The following PCDH7 variants were observed in gnomAD, a reference collection of about 807,000 sequenced individuals.
The protein encoded by PCDH7 is protocadherin-7.
Under a neutral mutation model 58.9 loss-of-function variants are expected in PCDH7, and 17 were observed. That is an observed-to-expected ratio of 0.29 (90% CI 0.20 to 0.43). PCDH7 has a LOEUF of 0.43. PCDH7 is among the 20% of genes least tolerant of loss of function. PCDH7 has a pLI of 1.00. For missense variants in PCDH7, 1,274 were observed against 1,441.0 expected, an observed-to-expected ratio of 0.88 and a Z score of 1.88; for synonymous variants, 664 against 616.4, an observed-to-expected ratio of 1.08 and a Z score of -1.14.
chr4:30,969,261 A>AT (rs1749326498), intron 3 of PCDH7, among the ~76,000 whole-genome samples: 1 of 152,130 alleles, frequency 6.6e-6, no homozygotes, highest in Admixed American at 6.5e-5. Flanking sequence ...GTCCCTGGAC[A>AT]TTTTCAGACA....
intron 3 of PCDH7, among the ~76,000 whole-genome samples, chr4:31,097,502 A>G (rs377103455): frequency 1.1e-4 from 10 of 91,878 alleles, no homozygotes; most frequent in South Asian, 4.9e-4. Flanking sequence ...AAAAGAAAGA[A>G]AGAAAGAGAG....
At chr4:30,794,752 A>T (rs1724573112) in intron 1 of PCDH7, among the ~76,000 whole-genome samples, 1 of 152,042 alleles carries the variant, frequency 6.6e-6, no homozygotes, top group African/African-American at 2.4e-5. Flanking sequence ...AATACAATCG[A>T]TTGAAAGTTC....
intron 2 of PCDH7, among the ~76,000 whole-genome samples, chr4:30,924,365 A>G (rs778672347): frequency 6.6e-6 from 1 of 152,206 alleles, no homozygotes; most frequent in Non-Finnish European, 1.5e-5. Flanking sequence ...TCCAGGTCCA[A>G]TAATCTGTGA....
At position 30,722,492 on chromosome 4, in the gene PCDH7, T is replaced by A; in HGVS notation, c.1070T>A (p.Leu357Gln). ...GCGGCCACCGAGTCGGTGAGGCGGCTGCTGCGCCTTGACGAGACGTCCGGC... is the reference window on the plus strand; with the variant it reads ...GCGGCCACCGAGTCGGTGAGGCGGCAGCTGCGCCTTGACGAGACGTCCGGC... Residue 357 changes from leucine (L) to glutamine (Q), a missense_variant, in exon 1 of 2, where the codon CTG becomes CAG. Leu to Gln is a moderately radical substitution (Grantham distance 113, BLOSUM62 -2). Transcript: ENST00000361762. The surrounding 1 kb of genome is among the most constrained non-coding windows in gnomAD (Gnocchi z 7.6). The A allele has an allele frequency of 1.2e-6, 2 of 1,609,472 alleles. No homozygotes were observed. Among genetic ancestry groups the A allele is most frequent in the African/African-American group, 2.7e-5 (2 of 74,918 alleles).
At chr4:30,795,118 GTTAC>G (rs1227455109) in intron 1 of PCDH7, among the ~76,000 whole-genome samples, 1 of 152,136 alleles carries the variant, frequency 6.6e-6, no homozygotes, top group East Asian at 1.9e-4. Flanking sequence ...CTTTGGGGAA[GTTAC>G]TTAATCTTTC....
chr4:30,745,656 G>T (rs1717681025), intron 1 of PCDH7, among the ~76,000 whole-genome samples: 1 of 151,916 alleles, frequency 6.6e-6, no homozygotes, highest in Admixed American at 6.6e-5. Flanking sequence ...GTCCCTGCAT[G>T]AAGTCTTTTA....
intron 3 of PCDH7, among the ~76,000 whole-genome samples, chr4:31,116,943 C>A (rs1423685383): frequency 6.6e-6 from 1 of 152,164 alleles, no homozygotes. Context: ...TCAAGTGATT[C>A]TCCCGCCTCA....
chr4:31,028,127 G>A (rs1246330291), intron 3 of PCDH7, among the ~76,000 whole-genome samples: 1 of 151,986 alleles, frequency 6.6e-6, no homozygotes, highest in African/African-American at 2.4e-5. Flanking sequence ...TATTTTGTAT[G>A]GTACTGACTT....
At chr4:31,061,255 T>C (rs1360832660) in intron 3 of PCDH7, among the ~76,000 whole-genome samples, 1 of 151,762 alleles carries the variant, frequency 6.6e-6, no homozygotes, top group African/African-American at 2.4e-5. Flanking sequence ...GATTTTATTT[T>C]AAAATCTCTT....
At chr4:30,982,008 T>C (rs1750614916) in intron 3 of PCDH7, among the ~76,000 whole-genome samples, 1 of 152,196 alleles carries the variant, frequency 6.6e-6, no homozygotes, top group Admixed American at 6.5e-5. Flanking sequence ...GATATGACTG[T>C]AGTTAATAAC....
intron 2 of PCDH7, among the ~76,000 whole-genome samples, chr4:30,926,261 C>T (rs921412627): frequency 2.0e-5 from 3 of 151,830 alleles, no homozygotes; most frequent in Non-Finnish European, 4.4e-5. Context: ...CTCGGCTCAC[C>T]GCAAGTTCCG....
chr4:31,011,839 T>A (rs1753209712), intron 3 of PCDH7, among the ~76,000 whole-genome samples: 2 of 152,068 alleles, frequency 1.3e-5, no homozygotes. Flanking sequence ...TTTCTTTTTT[T>A]AATACAGCAT....
intron 1 of PCDH7, among the ~76,000 whole-genome samples, chr4:30,764,782 G>A (rs906066425): frequency 3.3e-5 from 5 of 151,956 alleles, no homozygotes; most frequent in African/African-American, 7.3e-5. Flanking sequence ...GCACAGTGGC[G>A]CGATCTCAGC....
chr4:30,914,428 A>T (rs1014939647), intron 1 of PCDH7, among the ~76,000 whole-genome samples: 1 of 152,230 alleles, frequency 6.6e-6, no homozygotes, highest in Non-Finnish European at 1.5e-5. Flanking sequence ...CCATTCCAAA[A>T]TAACTGAATA....
At chr4:31,118,652 C>T (rs1717284984) in intron 3 of PCDH7, among the ~76,000 whole-genome samples, 2 of 152,208 alleles carry the variant, frequency 1.3e-5, no homozygotes, top group East Asian at 1.9e-4. Context: ...AATTTTGGTA[C>T]TGATGGTACA....
chr4:30,783,934 GT>G (rs1214684240), intron 1 of PCDH7, among the ~76,000 whole-genome samples: 2 of 151,998 alleles, frequency 1.3e-5, no homozygotes, highest in Non-Finnish European at 2.9e-5. Flanking sequence ...ATCTGCATTT[GT>G]TTGTGTATGT....
At chr4:30,782,902 G>T (rs2109290897) in intron 1 of PCDH7, among the ~76,000 whole-genome samples, 1 of 152,286 alleles carries the variant, frequency 6.6e-6, no homozygotes, top group South Asian at 2.1e-4. Context: ...CAAGGGAGAA[G>T]GGCAAGGGGA....
chr4:30,784,721 G>C (rs1044175348), intron 1 of PCDH7, among the ~76,000 whole-genome samples: 3 of 151,890 alleles, frequency 2.0e-5, no homozygotes, highest in African/African-American at 7.3e-5. Flanking sequence ...ACTATTATAG[G>C]AGAAGAATTA....
At chr4:30,756,468 C>T (rs190468072) in intron 1 of PCDH7, among the ~76,000 whole-genome samples, 37 of 152,234 alleles carry the variant, frequency 2.4e-4, no homozygotes, top group Non-Finnish European at 4.3e-4. Context: ...ACTTAGTAAA[C>T]GGTAATAATG....
Sources: gnomAD v4.1 joint callset for allele counts (sites outside exome capture counted in the v4.1 genomes callset) on GRCh38, gnomAD v4.1.1 for gene constraint, Gnocchi (gnomAD v3.1) non-coding constraint, MANE v1.5 for transcripts, NCBI Gene and HGNC (gene_info 2026-07-23, HGNC 2026-07-21) for gene names.